Variants in TAF8 observed in about 807,000 individuals in gnomAD.
TAF8 encodes TATA-box binding protein associated factor 8.
A neutral mutation model predicts 36.5 loss-of-function variants in TAF8; 47 were observed. The observed-to-expected ratio is 1.29, with a 90% CI of 1.02 to 1.64. TAF8 has a LOEUF of 1.64. TAF8 is among the 40% of genes most tolerant of loss of function. The pLI is 0.00. For missense variants in TAF8, 420 were observed against 407.6 expected, an observed-to-expected ratio of 1.03 and a Z score of -0.26; for synonymous variants, 175 against 159.5, an observed-to-expected ratio of 1.10 and a Z score of -0.73.
downstream of TAF8, among the ~76,000 whole-genome samples, chr6:42,084,621 C>T (rs1191820628): frequency 6.6e-6 from 1 of 151,988 alleles, no homozygotes; most frequent in African/African-American, 2.4e-5. Flanking sequence ...TGCCACCGCA[C>T]CTGGCTGATT....
intron 7 of TAF8, among the ~76,000 whole-genome samples, chr6:42,069,961 C>T (rs963727880): frequency 6.6e-6 from 1 of 152,034 alleles, no homozygotes; most frequent in African/African-American, 2.4e-5. Flanking sequence ...TTAGCTGTGT[C>T]CAAAGCTGTG....
chr6:42,077,500 A>G (rs756617206), intron 8 of TAF8, 33 bp from the exon 9 acceptor site: 2 of 1,611,034 alleles, frequency 1.2e-6, no homozygotes, highest in East Asian at 4.5e-5. Flanking sequence ...CAGGGCCCAC[A>G]CCAGGAGGCT....
intron 6 of TAF8, among the ~76,000 whole-genome samples, chr6:42,066,683 A>G (rs928094619): frequency 6.6e-6 from 1 of 152,158 alleles, no homozygotes; most frequent in African/African-American, 2.4e-5. Flanking sequence ...CTTGAGGTCC[A>G]TAGAGTTACC....
At chr6:42,051,593 G>T in intron 2 of TAF8, 80 bp downstream of exon 2, 1 of 1,473,050 alleles carries the variant, frequency 6.8e-7, no homozygotes, top group South Asian at 1.4e-5. Flanking sequence ...TGTTTGAGAG[G>T]ATTTAAGAAA....
chr6:42,055,973 CT>C lies in TAF8; in HGVS notation c.324del (p.Ala109LeufsTer16). ...TTAGGTTTCAATGTGGACACTCTCC[CT>C]GCTTATGCAAAACGGTCTCAGAGGA... ...VEMGFNVDTL[P>X]AYAKRSQRMV... is the part of the protein sequence containing the mutation. On this transcript the variant is annotated frameshift_variant, in exon 4 of 9. Coordinates refer to ENST00000372977, the MANE Select transcript of TAF8 (RefSeq NM_138572.3). LOFTEE classifies it high-confidence loss of function. 6.2e-7 allele frequency: 1 copy of C among 1,613,384 alleles called. No homozygotes were observed. The highest frequency in any genetic ancestry group is 8.5e-7 in the Non-Finnish European group (1 of 1,179,292).
intron 8 of TAF8, 129 bp downstream of exon 8, chr6:42,077,368 C>T: frequency 1.3e-6 from 2 of 1,501,330 alleles, no homozygotes; most frequent in Non-Finnish European, 8.9e-7. Context: ...GGAATAGTCT[C>T]CCTTTTCCTG....
At position 42,078,763 on chromosome 6, in the gene TAF8, A is replaced by T. The variant is rs540077291; in HGVS notation, c.*1218A>T. 7.8e-5 allele frequency: 77 copies of T among 985,462 alleles called. No homozygotes were observed. Among genetic ancestry groups the T allele is most frequent in the Middle Eastern group, 5.2e-4 (1 of 1,916 alleles). The allele number at this position is 985,462 out of a possible 1,614,324, so 61.0% of individuals were successfully genotyped here. A position where few individuals can be genotyped will look rare whatever the true frequency, so the allele number is the denominator to read the frequency against. Reference sequence around the variant, plus strand: ...CTTCTGGAAGAAGAGGTTTTCTCTGACAAGAGCCTAGAGCGTCGGCTCTAT... The same window carrying T: ...CTTCTGGAAGAAGAGGTTTTCTCTGTCAAGAGCCTAGAGCGTCGGCTCTAT... On this transcript the variant is annotated 3_prime_UTR_variant, in exon 9 of 9. Coordinates refer to ENST00000372977, the MANE Select transcript of TAF8 (RefSeq NM_138572.3).
At chr6:42,053,460 G>A (rs1453705819) in intron 2 of TAF8, among the ~76,000 whole-genome samples, 4 of 151,776 alleles carry the variant, frequency 2.6e-5, no homozygotes, top group African/African-American at 9.7e-5. Context: ...AGCTACTCGG[G>A]AGGCTGAGGC....
At chr6:42,066,203 G>A in intron 5 of TAF8, 109 bp from the exon 6 acceptor site, 2 of 1,395,850 alleles carry the variant, frequency 1.4e-6, no homozygotes, top group Non-Finnish European at 2.0e-6. Context: ...GCCTGGCCTG[G>A]TATTGGGTCA....
At chr6:42,071,130 C>T (rs2127460989) in intron 7 of TAF8, among the ~76,000 whole-genome samples, 1 of 152,130 alleles carries the variant, frequency 6.6e-6, no homozygotes, top group East Asian at 1.9e-4. Flanking sequence ...GTCAGGTTGC[C>T]ATATTCAACC....
intron 5 of TAF8, among the ~76,000 whole-genome samples, chr6:42,062,529 C>CTTTTTTT (rs1174119617): frequency 2.3e-4 from 18 of 78,726 alleles, no homozygotes; most frequent in Non-Finnish European, 2.9e-4. Flanking sequence ...TTAAGACAAT[C>CTTTTTTT]TTTTTTTTTT....
intron 6 of TAF8, among the ~76,000 whole-genome samples, chr6:42,067,312 G>A (rs148184728): frequency 0.016 from 2,437 of 152,234 alleles, 64 homozygotes; most frequent in African/African-American, 0.052. Flanking sequence ...TCCGCCTCCC[G>A]GGTTCCAGCG....
chr6:42,065,504 A>G (rs1034163436), intron 5 of TAF8, among the ~76,000 whole-genome samples: 1 of 152,204 alleles, frequency 6.6e-6, no homozygotes, highest in Non-Finnish European at 1.5e-5. Flanking sequence ...TAAGATCTTC[A>G]GCCTCTCTTT....
At chr6:42,069,931 T>C in intron 7 of TAF8, among the ~76,000 whole-genome samples, 1 of 152,014 alleles carries the variant, frequency 6.6e-6, no homozygotes, top group East Asian at 1.9e-4. Context: ...GAAGTAAGTG[T>C]TTCAGGGAGA....
chr6:42,072,872 G>A (rs1369416621), intron 7 of TAF8, among the ~76,000 whole-genome samples: 6 of 151,894 alleles, frequency 4.0e-5, no homozygotes, highest in South Asian at 2.1e-4. Flanking sequence ...ACAGGCGCCC[G>A]CCACCACGCC....
rs1218892790 is a variant in TAF8 at position 42,078,999 on chromosome 6, G to A, written c.*1454G>A. The A allele has an allele frequency of 5.6e-6, 3 of 537,448 alleles. No homozygotes were observed. Among genetic ancestry groups the A allele is most frequent in the Admixed American group, 1.3e-4 (2 of 15,736 alleles). The allele number at this position is 537,448 out of a possible 1,614,324, so 33.3% of individuals were successfully genotyped here. ...TAGCCGGGTGTGGTTACTCATGCCT[G>A]TAATCCCAGCTACTCGGGAGGCTGA... is the stretch of plus-strand genomic sequence containing the variant. On this transcript the variant is annotated 3_prime_UTR_variant, in exon 9 of 9. Transcript: ENST00000372977.
chr6:42,050,923 C>G (rs1216847477), intron 1 of TAF8: 1 of 1,151,248 alleles, frequency 8.7e-7, no homozygotes, highest in East Asian at 4.5e-5. Context: ...CTTTTTTGTG[C>G]TTTTATCTTT....
At position 42,051,398 on chromosome 6, in the gene TAF8, T is replaced by C. The variant is rs1167525349; in HGVS notation, c.87T>C (p.Tyr29=). Residue 29 remains tyrosine (Y), a synonymous_variant, in exon 2 of 9, where the codon TAT becomes TAC. Coordinates refer to ENST00000372977, the MANE Select transcript of TAF8 (RefSeq NM_138572.3). The stretch of plus-strand genomic sequence containing the variant: ...AGTCCACTAACCCTGCCGATAACTA[T>C]CATCTGGCCCGGAGGAGAACCCTGC... ...SKQSTNPADN[Y]HLARRRTLQV... 4 of 1,614,004 alleles carry C rather than the reference T, an allele frequency of 2.5e-6. No homozygotes were observed. Among genetic ancestry groups the C allele is most frequent in the Non-Finnish European group, 3.4e-6 (4 of 1,180,004 alleles).
rs111836346 is a variant in TAF8, at chr6:42,059,391, A to G, written c.489+1878A>G. Among the ~76,000 whole-genome samples the G allele has an allele frequency of 7.1e-3, 1,074 of 151,908 alleles. 17 individuals carry two copies. Among genetic ancestry groups the G allele is most frequent in the African/African-American group, 0.024 (985 of 41,424 alleles). On this transcript the variant is annotated intron_variant, in intron 5 of 8. Transcript: ENST00000372977. ...GAGCGAGACTTTGTCTCAAGAAAAA[A>G]AAAAAAAAAGAAATCATAGGGACTC... is the stretch of plus-strand genomic sequence containing the variant.
Sources: allele counts gnomAD v4.1 joint callset (sites outside exome capture counted in the v4.1 genomes callset), GRCh38; gene constraint gnomAD v4.1.1; transcripts MANE v1.5; gene names NCBI Gene and HGNC (gene_info 2026-07-23, HGNC 2026-07-21).